The following PDZRN4 variants were observed in gnomAD, a reference collection of about 807,000 sequenced individuals.
PDZRN4 encodes the protein PDZ domain-containing RING finger protein 4.
In PDZRN4, 70 loss-of-function variants were observed where a neutral mutation model predicts 99.0. The ratio of observed to expected loss-of-function variants is 0.71; its 90% CI spans 0.58 to 0.86. PDZRN4 has a LOEUF of 0.86. Ranked by LOEUF, PDZRN4 falls within the 40% of genes least tolerant of loss-of-function variation. The probability of loss-of-function intolerance (pLI) is 0.00; values close to 1 mark genes in which losing one functional copy is unlikely to be tolerated. For synonymous variants in PDZRN4, 551 were observed against 501.6 expected (o/e 1.10, Z -1.32); for missense variants, 1,474 against 1,331.2 (o/e 1.11, Z -1.67).
At chr12:41,307,337 A>T (rs961500569) in intron 3 of PDZRN4, among the ~76,000 whole-genome samples, 1 of 152,116 alleles carries the variant, frequency 6.6e-6, no homozygotes, top group African/African-American at 2.4e-5. Context: ...TTCTCATTCT[A>T]TATCTGTACA....
intron 3 of PDZRN4, among the ~76,000 whole-genome samples, chr12:41,206,534 TAATTAATA>T (rs200002603): frequency 2.0e-4 from 30 of 151,114 alleles, no homozygotes; most frequent in African/African-American, 4.6e-4. Context: ...TAAGCTTAAT[TAATTAATA>T]AATTAATAAA....
intron 3 of PDZRN4, among the ~76,000 whole-genome samples, chr12:41,212,231 G>T (rs1265269331): frequency 6.6e-6 from 1 of 151,924 alleles, no homozygotes; most frequent in African/African-American, 2.4e-5. Context: ...CCAAAGTATT[G>T]TTGTTATATA....
chr12:41,507,480 C>G (rs896384622), intron 4 of PDZRN4, among the ~76,000 whole-genome samples: 3 of 152,100 alleles, frequency 2.0e-5, no homozygotes, highest in African/African-American at 7.2e-5. Context: ...ATCACCTACT[C>G]CAATCCGCTC....
intron 3 of PDZRN4, among the ~76,000 whole-genome samples, chr12:41,254,459 T>C (rs1951190909): frequency 6.6e-6 from 1 of 152,210 alleles, no homozygotes; most frequent in Non-Finnish European, 1.5e-5. Context: ...AAATGAAATC[T>C]TTCTGAATAA....
chr12:41,401,466 C>T (rs993420043), intron 3 of PDZRN4, among the ~76,000 whole-genome samples: 7 of 152,142 alleles, frequency 4.6e-5, no homozygotes, highest in Non-Finnish European at 1.0e-4. Flanking sequence ...ATAAAATGCT[C>T]TCTTCACTTG....
At chr12:41,189,247 T>C (rs1480848799) in intron 1 of PDZRN4, 144 bp downstream of exon 1, 4 of 714,634 alleles carry the variant, frequency 5.6e-6, no homozygotes, top group Non-Finnish European at 9.0e-6. Context: ...GATCATACTT[T>C]CCTGTCATTA....
chr12:41,517,248 T>A (rs1227241910), intron 5 of PDZRN4, among the ~76,000 whole-genome samples: 1 of 152,052 alleles, frequency 6.6e-6, no homozygotes, highest in African/African-American at 2.4e-5. Flanking sequence ...GGCACATTTA[T>A]TTTACCAGGG....
intron 3 of PDZRN4, among the ~76,000 whole-genome samples, chr12:41,201,187 TATC>T (rs1219568575): frequency 6.7e-6 from 1 of 150,244 alleles, no homozygotes; most frequent in East Asian, 2.0e-4. Context: ...AACCCTCTAC[TATC>T]GTTTCGTGAA....
At chr12:41,195,455 A>G (rs1321388522) in intron 3 of PDZRN4, among the ~76,000 whole-genome samples, 1 of 152,188 alleles carries the variant, frequency 6.6e-6, no homozygotes, top group African/African-American at 2.4e-5. Context: ...TCTGTGCACT[A>G]AACAAAGTTG....
rs185759069 is a variant in PDZRN4, at chr12:41,297,107, T to A, written c.843+102919T>A. Among the ~76,000 whole-genome samples the A allele has an allele frequency of 7.9e-5, 12 of 152,340 alleles. No individual in the cohort carries two copies. In the East Asian group the frequency reaches 2.3e-3, roughly 29 times the overall value. On this transcript the variant is annotated intron_variant, in intron 3 of 9. Transcript: ENST00000402685. ...CGGCTGGTAACATCACTTATAAATGTGTCCCGAACTTGATGGAGTTTATGT... is the reference window on the plus strand; with the variant it reads ...CGGCTGGTAACATCACTTATAAATGAGTCCCGAACTTGATGGAGTTTATGT...
chr12:41,192,800 T>C (rs1040942095), intron 2 of PDZRN4, among the ~76,000 whole-genome samples: 8 of 152,254 alleles, frequency 5.3e-5, no homozygotes, highest in Non-Finnish European at 8.8e-5. Flanking sequence ...ATGAATAATA[T>C]TCTTCATGTT....
intron 3 of PDZRN4, among the ~76,000 whole-genome samples, chr12:41,350,503 T>G (rs1175949260): frequency 6.6e-6 from 1 of 152,112 alleles, no homozygotes; most frequent in Non-Finnish European, 1.5e-5. Context: ...ATTTATGAAA[T>G]CTCTCAAATT....
intron 3 of PDZRN4, among the ~76,000 whole-genome samples, chr12:41,298,544 CT>C (rs1951510365): frequency 6.6e-6 from 1 of 152,012 alleles, no homozygotes; most frequent in Admixed American, 6.6e-5. Flanking sequence ...AAATGATATG[CT>C]TTCTGTGGTA....
chr12:41,269,914 T>C (rs73120969), intron 3 of PDZRN4, among the ~76,000 whole-genome samples: 1 of 152,238 alleles, frequency 6.6e-6, no homozygotes, highest in Non-Finnish European at 1.5e-5. Context: ...ACACACGATA[T>C]TGCTAAAATA....
intron 5 of PDZRN4, among the ~76,000 whole-genome samples, chr12:41,540,399 C>A (rs1481624431): frequency 6.6e-6 from 1 of 152,118 alleles, no homozygotes; most frequent in Non-Finnish European, 1.5e-5. Flanking sequence ...AATGTCTGAG[C>A]ATTGGGTATA....
At chr12:41,507,006 C>A (rs528658064) in intron 4 of PDZRN4, among the ~76,000 whole-genome samples, 1 of 152,130 alleles carries the variant, frequency 6.6e-6, no homozygotes. Context: ...TCAAAAGCCT[C>A]ATGCTACTCA....
intron 3 of PDZRN4, among the ~76,000 whole-genome samples, chr12:41,224,368 A>G (rs1457412669): frequency 6.6e-6 from 1 of 152,232 alleles, no homozygotes; most frequent in African/African-American, 2.4e-5. Context: ...ATCTATTGAT[A>G]CATATTCATT....
chr12:41,360,009 C>G (rs4768351), intron 3 of PDZRN4, among the ~76,000 whole-genome samples: 135,602 of 151,986 alleles, frequency 0.89, 60,748 homozygotes, highest in Middle Eastern at 0.96. Flanking sequence ...TTCCTTTCTA[C>G]TTCAGCTGCC....
chr12:41,234,777 T>C (rs897525325), intron 3 of PDZRN4, among the ~76,000 whole-genome samples: 2 of 152,132 alleles, frequency 1.3e-5, no homozygotes, highest in Non-Finnish European at 2.9e-5. Flanking sequence ...TTCTAGCTCA[T>C]TGAATCTCCT....
Sources: gnomAD v4.1 joint callset for allele counts (sites outside exome capture counted in the v4.1 genomes callset) on GRCh38, gnomAD v4.1.1 for gene constraint, MANE v1.5 for transcripts, NCBI Gene and HGNC (gene_info 2026-07-23, HGNC 2026-07-21) for gene names.